The following TMEM178B variants were observed in gnomAD, a reference collection of about 807,000 sequenced individuals.
TMEM178B encodes transmembrane protein 178B.
TMEM178B carries 5 observed loss-of-function variants against 31.0 expected under a neutral mutation model. The observed-to-expected ratio is 0.16, with a 90% CI of 0.08 to 0.34. The LOEUF is 0.34. TMEM178B is among the 10% of genes least tolerant of loss of function. The probability of loss-of-function intolerance (pLI) is 1.00; values close to 1 mark genes in which losing one functional copy is unlikely to be tolerated. For missense variants in TMEM178B, 275 were observed against 400.3 expected (o/e 0.69, Z 2.67); for synonymous variants, 164 against 164.0 (o/e 1.00, Z 0.00).
rs35000633 is a variant in TMEM178B, at chr7:141,289,714, C to CAAAA, written c.496+77024_496+77027dup. Among the ~76,000 whole-genome samples the CAAAA allele has an allele frequency of 6.4e-3, 593 of 92,302 alleles. 15 individuals are homozygous for CAAAA. Among genetic ancestry groups the CAAAA allele is most frequent in the African/African-American group, 0.024 (557 of 23,270 alleles). 60.6% of individuals were successfully genotyped at this position (92,302 alleles called of 152,430 possible). A position where few individuals can be genotyped will look rare whatever the true frequency, so the allele number is the denominator to read the frequency against. Reference sequence around the variant, plus strand: ...TGGGTGACAGAGAGAGACCCTGTCTCAAAAAAAAAAAAAAAAAGAAAAAAG... The same window carrying CAAAA: ...TGGGTGACAGAGAGAGACCCTGTCTCAAAAAAAAAAAAAAAAAAAAAGAAAAAAG... On this transcript the variant is annotated intron_variant, in intron 2 of 3. Transcript: ENST00000565468.
chr7:141,310,592 A>G (rs1314416491), intron 2 of TMEM178B, among the ~76,000 whole-genome samples: 3 of 152,018 alleles, frequency 2.0e-5, no homozygotes, highest in Non-Finnish European at 2.9e-5. Flanking sequence ...CCACCCTTCA[A>G]CAGGCCCTGG....
At chr7:141,398,229 A>T (rs187096452) in intron 2 of TMEM178B, among the ~76,000 whole-genome samples, 4 of 152,350 alleles carry the variant, frequency 2.6e-5, no homozygotes, top group African/African-American at 9.6e-5. Flanking sequence ...CTAGAACTTC[A>T]TGGCAACTCC....
At chr7:141,312,557 G>A (rs965057465) in intron 2 of TMEM178B, among the ~76,000 whole-genome samples, 10 of 152,218 alleles carry the variant, frequency 6.6e-5, no homozygotes, top group South Asian at 2.1e-4. Context: ...GTCTTTGGGA[G>A]ACAAGAGTTT....
At chr7:141,355,041 A>C (rs1207822961) in intron 2 of TMEM178B, among the ~76,000 whole-genome samples, 1 of 152,164 alleles carries the variant, frequency 6.6e-6, no homozygotes, top group Non-Finnish European at 1.5e-5. Context: ...CATTTCACTC[A>C]AGGCAACCAG....
At chr7:141,210,358 G>A (rs1448181656) in intron 1 of TMEM178B, among the ~76,000 whole-genome samples, 3 of 152,128 alleles carry the variant, frequency 2.0e-5, no homozygotes, top group African/African-American at 2.4e-5. Flanking sequence ...CAGCTACTTG[G>A]GGGCTGAGGC....
chr7:141,215,219 G>GA (rs1797111503), intron 2 of TMEM178B, among the ~76,000 whole-genome samples: 1 of 151,382 alleles, frequency 6.6e-6, no homozygotes, highest in African/African-American at 2.4e-5. Context: ...CATTGGAAAT[G>GA]AAAAAAAATC....
At chr7:141,339,290 T>C (rs13235788) in intron 2 of TMEM178B, among the ~76,000 whole-genome samples, 38,534 of 150,698 alleles carry the variant, frequency 0.26, 5,040 homozygotes, top group East Asian at 0.33. Flanking sequence ...CCAGGAGGGG[T>C]AGGGCAGCCA....
chr7:141,445,386 A>G (rs1285540527), intron 3 of TMEM178B, among the ~76,000 whole-genome samples: 1 of 152,180 alleles, frequency 6.6e-6, no homozygotes, highest in Non-Finnish European at 1.5e-5. Flanking sequence ...TTAGACAGTA[A>G]AATGATTTAA....
Position 141,461,209 on chromosome 7 carries a change from GCTT to G in TMEM178B, c.635-9321_635-9319del, listed in dbSNP as rs1802053549. On this transcript the variant is annotated intron_variant, in intron 3 of 3. Coordinates refer to ENST00000565468, the MANE Select transcript of TMEM178B (RefSeq NM_001195278.2). This position sits in a 1 kb window ranked among gnomAD's most constrained non-coding sequence, Gnocchi z 4.0. ...GAGGTGTCTCATGGAGGACTTGGCTGCTTCTTCTCTGACCTCCCTGATACACAG... is the reference window on the plus strand; with the variant it reads ...GAGGTGTCTCATGGAGGACTTGGCTGCTTCTCTGACCTCCCTGATACACAG... 6.6e-6 allele frequency among the ~76,000 whole-genome samples: 1 copy of G among 152,216 alleles called. No homozygotes were observed. The highest frequency in any genetic ancestry group is 1.5e-5 in the Non-Finnish European group (1 of 68,038).
chr7:141,090,373 A>G (rs1794861992), intron 1 of TMEM178B, among the ~76,000 whole-genome samples: 2 of 152,092 alleles, frequency 1.3e-5, no homozygotes, highest in Admixed American at 1.3e-4. Flanking sequence ...TAAGTCTTTT[A>G]CTGGCATATC....
chr7:141,324,567 C>T (rs10233042), intron 2 of TMEM178B, among the ~76,000 whole-genome samples: 20,271 of 151,282 alleles, frequency 0.13, 1,698 homozygotes, highest in Non-Finnish European at 0.19. Context: ...CTCAAAAGAC[C>T]GTTGGGATGC....
intron 2 of TMEM178B, among the ~76,000 whole-genome samples, chr7:141,217,782 G>C (rs1375189822): frequency 1.3e-5 from 2 of 152,056 alleles, no homozygotes; most frequent in Non-Finnish European, 2.9e-5. Flanking sequence ...TGTGACGTGA[G>C]CTCAGATGTT....
rs191776049 is a variant in TMEM178B, at chr7:141,470,321, A to T, written c.635-215A>T. On this transcript the variant is annotated intron_variant, in intron 3 of 3. Transcript: ENST00000565468. ...GTCCAAGACTGGGCCATTATTGGAG[A>T]GTGATGAAGTGATGATCCTTTAATA... is the stretch of plus-strand genomic sequence containing the variant. Among the ~76,000 whole-genome samples, 341 of 152,282 alleles carry T rather than the reference A, an allele frequency of 2.2e-3. 5 individuals are homozygous for T. The highest frequency in any genetic ancestry group is 7.7e-3 in the African/African-American group (320 of 41,542).
chr7:141,216,888 G>T (rs1348193507), intron 2 of TMEM178B, among the ~76,000 whole-genome samples: 1 of 152,016 alleles, frequency 6.6e-6, no homozygotes, highest in Non-Finnish European at 1.5e-5. Context: ...CTGCCTCTGT[G>T]GGCTCCAAGG....
At chr7:141,278,508 G>A (rs534346289) in intron 2 of TMEM178B, among the ~76,000 whole-genome samples, 21 of 149,574 alleles carry the variant, frequency 1.4e-4, no homozygotes, top group South Asian at 1.3e-3. Context: ...GCTTGAACTC[G>A]GGAGGCGGAG....
At chr7:141,195,484 C>T (rs1373728728) in intron 1 of TMEM178B, among the ~76,000 whole-genome samples, 1 of 152,216 alleles carries the variant, frequency 6.6e-6, no homozygotes, top group African/African-American at 2.4e-5. Context: ...TTCCTTATCT[C>T]CATCTGAGAC....
chr7:141,298,597 T>C (rs1798674111), intron 2 of TMEM178B, among the ~76,000 whole-genome samples: 1 of 152,204 alleles, frequency 6.6e-6, no homozygotes, highest in South Asian at 2.1e-4. Context: ...GAGCCTCCAA[T>C]AGTTCTCATC....
chr7:141,457,604 T>G (rs920962690), intron 3 of TMEM178B, among the ~76,000 whole-genome samples: 3 of 152,180 alleles, frequency 2.0e-5, no homozygotes, highest in African/African-American at 7.2e-5. Context: ...AGATTAAAAC[T>G]AATAAAAATG....
intron 2 of TMEM178B, among the ~76,000 whole-genome samples, chr7:141,257,918 TC>T (rs1797953432): frequency 6.6e-6 from 1 of 151,414 alleles, no homozygotes; most frequent in Non-Finnish European, 1.5e-5. Flanking sequence ...TATCTGTTCC[TC>T]CCTTACTTCC....
Sources: allele counts gnomAD v4.1 joint callset (sites outside exome capture counted in the v4.1 genomes callset), GRCh38; gene constraint gnomAD v4.1.1; non-coding constraint Gnocchi (gnomAD v3.1); transcripts MANE v1.5; gene names NCBI Gene and HGNC (gene_info 2026-07-23, HGNC 2026-07-21).